Variants in TMEM132B observed in about 807,000 individuals in gnomAD.
TMEM132B encodes the protein transmembrane protein 132B.
In TMEM132B, 18 loss-of-function variants were observed where a neutral mutation model predicts 90.8. The observed-to-expected ratio is 0.20, with a 90% CI of 0.14 to 0.29. TMEM132B has a LOEUF of 0.29. Ranked by LOEUF, TMEM132B falls within the 10% of genes least tolerant of loss-of-function variation. The pLI, the probability that TMEM132B is intolerant of heterozygous loss-of-function variation, is 1.00. For missense variants in TMEM132B, 1,096 were observed against 1,326.8 expected (o/e 0.83, Z 2.70); for synonymous variants, 504 against 523.3 (o/e 0.96, Z 0.50).
chr12:125,612,584 TTA>T (rs1015222371), intron 5 of TMEM132B, among the ~76,000 whole-genome samples: 1 of 145,562 alleles, frequency 6.9e-6, no homozygotes, highest in African/African-American at 2.5e-5. Flanking sequence ...AAAATATATA[TTA>T]TATATATACT....
intron 1 of TMEM132B, among the ~76,000 whole-genome samples, chr12:125,198,939 C>A (rs1007454932): frequency 3.9e-5 from 6 of 152,208 alleles, no homozygotes; most frequent in African/African-American, 1.4e-4. Flanking sequence ...TGACTTCACA[C>A]ATATTTTGGT....
intron 4 of TMEM132B, among the ~76,000 whole-genome samples, chr12:125,568,460 C>G (rs2136821057): frequency 6.6e-6 from 1 of 152,270 alleles, no homozygotes; most frequent in East Asian, 1.9e-4. Context: ...GAGGTTTTCC[C>G]CCATGCAATG....
chr12:125,357,331 G>A (rs912961955), intron 2 of TMEM132B, among the ~76,000 whole-genome samples: 15 of 152,318 alleles, frequency 9.8e-5, no homozygotes, highest in Non-Finnish European at 2.1e-4. Context: ...CTAAACTTGA[G>A]TAATTCATAC....
intron 3 of TMEM132B, among the ~76,000 whole-genome samples, chr12:125,430,091 C>A (rs1472015549): frequency 1.3e-5 from 2 of 152,216 alleles, no homozygotes; most frequent in Non-Finnish European, 2.9e-5. Context: ...CACTGTTACC[C>A]AGCACTGTAC....
At chr12:125,547,884 T>G (rs146543990) in intron 4 of TMEM132B, among the ~76,000 whole-genome samples, 2,990 of 152,342 alleles carry the variant, frequency 0.02, 50 homozygotes, top group South Asian at 0.035. Context: ...CTGCCCCATG[T>G]GCAGCCCCGA....
At chr12:125,568,219 C>T (rs911211305) in intron 4 of TMEM132B, among the ~76,000 whole-genome samples, 3 of 152,192 alleles carry the variant, frequency 2.0e-5, no homozygotes, top group African/African-American at 4.8e-5. Context: ...CTCTCTGTCT[C>T]ATTCTCCCTC....
intron 3 of TMEM132B, among the ~76,000 whole-genome samples, chr12:125,505,174 A>C (rs1566056556): frequency 7.7e-6 from 1 of 130,600 alleles, no homozygotes; most frequent in East Asian, 2.0e-4. Context: ...GACAAAAAAA[A>C]AAAAAAAAAA....
chr12:125,601,600 G>T (rs1445716858), intron 5 of TMEM132B, among the ~76,000 whole-genome samples: 1 of 151,976 alleles, frequency 6.6e-6, no homozygotes, highest in Non-Finnish European at 1.5e-5. Context: ...CAGAAGACAA[G>T]AAATAACTAA....
At chr12:125,639,357 CCTT>C (rs1886570237) in intron 5 of TMEM132B, among the ~76,000 whole-genome samples, 1 of 152,232 alleles carries the variant, frequency 6.6e-6, no homozygotes, top group African/African-American at 2.4e-5. Context: ...GTGTAAGTCA[CCTT>C]CTTTGCCTTC....
chr12:125,230,283 G>T (rs1283954188), intron 1 of TMEM132B, among the ~76,000 whole-genome samples: 1 of 152,160 alleles, frequency 6.6e-6, no homozygotes, highest in African/African-American at 2.4e-5. Flanking sequence ...TGCTTCTCAG[G>T]TTGGCGCTGC....
At chr12:125,606,557 A>G (rs1012312551) in intron 5 of TMEM132B, among the ~76,000 whole-genome samples, 8 of 152,226 alleles carry the variant, frequency 5.3e-5, no homozygotes, top group Non-Finnish European at 8.8e-5. Flanking sequence ...ATGTGTGCTT[A>G]TATATGTGAG....
intron 1 of TMEM132B, among the ~76,000 whole-genome samples, chr12:125,250,313 T>C (rs1874290716): frequency 6.6e-6 from 1 of 152,250 alleles, no homozygotes; most frequent in Admixed American, 6.5e-5. Context: ...TAAGTCCCCA[T>C]TGCATAAAGA....
At chr12:125,430,117 G>A (rs536674477) in intron 3 of TMEM132B, among the ~76,000 whole-genome samples, 9 of 152,160 alleles carry the variant, frequency 5.9e-5, no homozygotes, top group Non-Finnish European at 1.3e-4. Context: ...CTGACACCAC[G>A]CCTGACCGTG....
rs3070202 is a variant in TMEM132B, at chr12:125,474,027, TTTCC to T, written c.1107-45392_1107-45389del. Among the ~76,000 whole-genome samples the T allele has an allele frequency of 6.4e-3, 956 of 150,082 alleles. 9 individuals are homozygous for T. Among genetic ancestry groups the T allele is most frequent in the African/African-American group, 0.019 (756 of 40,650 alleles). On this transcript the variant is annotated intron_variant, in intron 3 of 8. Transcript: ENST00000682704. The stretch of plus-strand genomic sequence containing the variant: ...GAGCTCACCTTTCCTTCCTTCCTTC[TTTCC>T]TTCCTTCCTTCCTTCCTTCTTTCTT...
At chr12:125,412,082 C>T (rs1180132398) in intron 2 of TMEM132B, among the ~76,000 whole-genome samples, 2 of 152,176 alleles carry the variant, frequency 1.3e-5, no homozygotes, top group Non-Finnish European at 2.9e-5. Context: ...GGACCCTCTG[C>T]TTCTCAGACT....
chr12:125,310,949 C>T (rs769971166), intron 1 of TMEM132B, among the ~76,000 whole-genome samples: 2 of 152,112 alleles, frequency 1.3e-5, no homozygotes, highest in Non-Finnish European at 2.9e-5. Context: ...TACTGGTGTC[C>T]GAGGCTGTTC....
At chr12:125,238,366 C>CAAAAAAAAAAAAAAAAAAAAAA (rs762032967) in intron 1 of TMEM132B, among the ~76,000 whole-genome samples, 1 of 111,582 alleles carries the variant, frequency 9.0e-6, no homozygotes, top group Non-Finnish European at 1.8e-5. Context: ...AAAAAAAAAC[C>CAAAAAAAAAAAAAAAAAAAAAA]AAAAAAAAAA....
chr12:125,499,304 G>A (rs1331244677), intron 3 of TMEM132B, among the ~76,000 whole-genome samples: 2 of 152,222 alleles, frequency 1.3e-5, no homozygotes, highest in Non-Finnish European at 2.9e-5. Context: ...ATTTGAGCAA[G>A]ACTGATTGAG....
chr12:125,310,490 C>T (rs532960791), intron 1 of TMEM132B, among the ~76,000 whole-genome samples: 44 of 152,194 alleles, frequency 2.9e-4, no homozygotes, highest in Non-Finnish European at 5.7e-4. Context: ...GAGTAAGCTC[C>T]AGGGTTCACA....
Sources: allele counts gnomAD v4.1 joint callset (sites outside exome capture counted in the v4.1 genomes callset), GRCh38; gene constraint gnomAD v4.1.1; transcripts MANE v1.5; gene names NCBI Gene and HGNC (gene_info 2026-07-23, HGNC 2026-07-21).